The following REDIC1 variants were observed in gnomAD, a reference collection of about 807,000 sequenced individuals.
REDIC1 encodes the protein regulator of DNA class I crossover intermediates 1, also known as HEI10 Interacting Protein 1.
chr12:39,820,863 C>T, the REDIC1 span, among the ~76,000 whole-genome samples: 1 of 151,000 alleles, frequency 6.6e-6, no homozygotes, highest in African/African-American at 2.4e-5. Context: ...GTTTGTTCTT[C>T]ATAAAATTCT....
the REDIC1 span, among the ~76,000 whole-genome samples, chr12:39,679,824 C>A: frequency 6.6e-6 from 1 of 152,058 alleles, no homozygotes; most frequent in Non-Finnish European, 1.5e-5. Context: ...ATAGAGAACC[C>A]AGAAATAAAG....
the REDIC1 span, among the ~76,000 whole-genome samples, chr12:39,654,161 T>G: frequency 6.6e-6 from 1 of 152,216 alleles, no homozygotes; most frequent in African/African-American, 2.4e-5. Flanking sequence ...ATTGAGAGTT[T>G]TTATCATGAA....
chr12:39,887,192 TTTGTC>T, the REDIC1 span, among the ~76,000 whole-genome samples: 1 of 152,220 alleles, frequency 6.6e-6, no homozygotes, highest in Non-Finnish European at 1.5e-5. Context: ...GATAAAGTCT[TTTGTC>T]TAGTTTAGCA....
the REDIC1 span, among the ~76,000 whole-genome samples, chr12:39,733,770 C>T: frequency 6.6e-6 from 1 of 152,184 alleles, no homozygotes; most frequent in Non-Finnish European, 1.5e-5. Flanking sequence ...GCTGGAGCAT[C>T]CCAGGTTGAC....
At chr12:39,820,272 G>T in the REDIC1 span, among the ~76,000 whole-genome samples, 1 of 152,170 alleles carries the variant, frequency 6.6e-6, no homozygotes, top group Non-Finnish European at 1.5e-5. Context: ...GGCAAGTGAA[G>T]ACAGAGTGAA....
At chr12:39,894,151 C>CAA in the REDIC1 span, among the ~76,000 whole-genome samples, 793 of 152,228 alleles carry the variant, frequency 5.2e-3, 9 homozygotes, top group African/African-American at 0.018. Flanking sequence ...TAGGGCTTTG[C>CAA]AAAAAGTAAC....
chr12:39,720,796 G>A, the REDIC1 span: 1 of 1,606,550 alleles, frequency 6.2e-7, no homozygotes, highest in Non-Finnish European at 8.5e-7. Context: ...GCCATCTGAA[G>A]ATGAAGATCA....
the REDIC1 span, among the ~76,000 whole-genome samples, chr12:39,717,120 C>T: frequency 1.2e-4 from 16 of 135,786 alleles, no homozygotes; most frequent in African/African-American, 4.8e-4. Flanking sequence ...ACCTTATATA[C>T]ATACATATAT....
the REDIC1 span, among the ~76,000 whole-genome samples, chr12:39,740,508 T>A: frequency 1.9e-4 from 29 of 152,144 alleles, no homozygotes; most frequent in Admixed American, 4.6e-4. Context: ...ATTTTTAGTG[T>A]TTTTTGTTTT....
chr12:39,883,202 G>A, the REDIC1 span, among the ~76,000 whole-genome samples: 5 of 152,084 alleles, frequency 3.3e-5, no homozygotes, highest in East Asian at 5.8e-4. Context: ...ACAATCCAAA[G>A]GATTAAAGAA....
At chr12:39,829,420 T>TTTTTTTTTTTTTTA in the REDIC1 span, 1 of 124,708 alleles carries the variant, frequency 8.0e-6, no homozygotes, top group Non-Finnish European at 1.7e-5. Context: ...TTTTTTCTTT[T>TTTTTTTTTTTTTTA]TTTTGAGGCA....
At chr12:39,837,879 T>C in the REDIC1 span, among the ~76,000 whole-genome samples, 1 of 151,084 alleles carries the variant, frequency 6.6e-6, no homozygotes, top group Non-Finnish European at 1.5e-5. Flanking sequence ...AGAAACACTT[T>C]TACACTGTTG....
chr12:39,824,147 T>G, the REDIC1 span, among the ~76,000 whole-genome samples: 4 of 152,204 alleles, frequency 2.6e-5, no homozygotes, highest in African/African-American at 9.6e-5. Context: ...CAAATATACA[T>G]TCAAACACAG....
the REDIC1 span, among the ~76,000 whole-genome samples, chr12:39,707,879 G>T: frequency 1.3e-5 from 2 of 151,770 alleles, no homozygotes. Context: ...GGAACTGGAG[G>T]TTATGTTAAG....
chr12:39,721,953 C>T, the REDIC1 span: 1 of 152,008 alleles, frequency 6.6e-6, no homozygotes, highest in African/African-American at 2.4e-5. Context: ...AATATTATAA[C>T]AAGATTTCCT....
At chr12:39,678,629 CAAAAAA>C in the REDIC1 span, among the ~76,000 whole-genome samples, 2 of 96,232 alleles carry the variant, frequency 2.1e-5, no homozygotes, top group African/African-American at 4.0e-5. Flanking sequence ...AAAGGCATAA[CAAAAAA>C]AAAAAAAAAA....
the REDIC1 span, among the ~76,000 whole-genome samples, chr12:39,839,249 C>T: frequency 6.6e-6 from 1 of 152,038 alleles, no homozygotes; most frequent in Non-Finnish European, 1.5e-5. Flanking sequence ...AGGACAGATT[C>T]CTATATCAGT....
chr12:39,740,362 T>A, the REDIC1 span, among the ~76,000 whole-genome samples: 3 of 152,220 alleles, frequency 2.0e-5, no homozygotes, highest in Admixed American at 1.3e-4. Flanking sequence ...CAAGCCAATC[T>A]TCTTTCCTAT....
the REDIC1 span, among the ~76,000 whole-genome samples, chr12:39,832,904 A>G: frequency 1.3e-3 from 198 of 152,256 alleles, no homozygotes; most frequent in Admixed American, 2.2e-3. Context: ...GAGTCACACT[A>G]TAGAGCAGAT....
Sources: allele counts gnomAD v4.1 joint callset (sites outside exome capture counted in the v4.1 genomes callset), GRCh38; gene constraint gnomAD v4.1.1; transcripts MANE v1.5; gene names NCBI Gene and HGNC (gene_info 2026-07-23, HGNC 2026-07-21).